Variants in CDH8 observed in about 807,000 individuals in gnomAD.
CDH8 encodes cadherin 8, also known as cadherin-8.
CDH8 carries 17 observed loss-of-function variants against 68.1 expected under a neutral mutation model. That is an observed-to-expected ratio of 0.25 (90% CI 0.17 to 0.37). CDH8 has a LOEUF of 0.37. CDH8 is among the 10% of genes least tolerant of loss of function. The pLI, the probability that CDH8 is intolerant of heterozygous loss-of-function variation, is 1.00. For synonymous variants in CDH8, 372 were observed against 365.1 expected (o/e 1.02, Z -0.21); for missense variants, 763 against 999.3 (o/e 0.76, Z 3.19).
chr16:61,662,732 G>A (rs954172433), intron 10 of CDH8, among the ~76,000 whole-genome samples: 2 of 151,776 alleles, frequency 1.3e-5, no homozygotes, highest in African/African-American at 4.8e-5. Flanking sequence ...GTAATCTAGA[G>A]GTGGTTAGAC....
At position 61,650,245 on chromosome 16, in the gene CDH8, G is replaced by A. The variant is rs1963290636; in HGVS notation, c.*3363C>T. The A allele has an allele frequency of 1.3e-5, 2 of 152,038 alleles. No individual in the cohort carries two copies. Among genetic ancestry groups the A allele is most frequent in the African/African-American group, 4.8e-5 (2 of 41,396 alleles). The allele number at this position is 152,038 out of a possible 1,614,324, so 9.4% of individuals were successfully genotyped here. A position where few individuals can be genotyped will look rare whatever the true frequency, so the allele number is the denominator to read the frequency against. On this transcript the variant is annotated 3_prime_UTR_variant, in exon 12 of 12. Coordinates refer to ENST00000577390, the MANE Select transcript of CDH8 (RefSeq NM_001796.5). ...TTAATATTCATATATGGATGTTTAA[G>A]AGACACTTTGCTAATATGATTTGAT...
rs556064899 is a variant in CDH8 at position 61,733,474 on chromosome 16, T to TA, written c.1415-6260dup. ...ACACTAAAATAAAATAATAAGAAAATAAAAAAATATATTGTGCTTCATCAA... is the reference window on the plus strand; with the variant it reads ...ACACTAAAATAAAATAATAAGAAAATAAAAAAAATATATTGTGCTTCATCAA... On this transcript the variant is annotated intron_variant, in intron 8 of 11. Coordinates refer to ENST00000577390, the MANE Select transcript of CDH8 (RefSeq NM_001796.5). Among the ~76,000 whole-genome samples, 1,120 of 151,692 alleles carry TA rather than the reference T, an allele frequency of 7.4e-3. 17 individuals carry two copies. The highest frequency in any genetic ancestry group is 9.0e-3 in the Non-Finnish European group (611 of 67,786).
intron 2 of CDH8, among the ~76,000 whole-genome samples, chr16:61,984,191 T>C (rs981661932): frequency 9.9e-5 from 15 of 152,132 alleles, no homozygotes; most frequent in Non-Finnish European, 2.2e-4. Flanking sequence ...GTGCTGGGAT[T>C]ACAGGCGTTA....
chr16:61,789,019 TTA>T (rs1961314290), intron 8 of CDH8, among the ~76,000 whole-genome samples: 2 of 151,848 alleles, frequency 1.3e-5, no homozygotes, highest in South Asian at 4.2e-4. Context: ...ATTATTTAAA[TTA>T]TAGTGTACAG....
rs942017887 is a variant in CDH8 at position 61,652,198 on chromosome 16, T to G, written c.*1410A>C. The G allele has an allele frequency of 5.1e-6, 5 of 982,212 alleles. No individual in the cohort carries two copies. In the African/African-American group the frequency reaches 8.7e-5, roughly 17 times the overall value. The allele number at this position is 982,212 out of a possible 1,614,324, so 60.8% of individuals were successfully genotyped here. A position where few individuals can be genotyped will look rare whatever the true frequency, so the allele number is the denominator to read the frequency against. On this transcript the variant is annotated 3_prime_UTR_variant, in exon 12 of 12. Transcript: ENST00000577390. ...GCAGGTTTGCATTACAAATTAAATA[T>G]GCTCACATCTTCTAGTGCTGTTCCT...
chr16:61,877,227 C>G (rs190452741), intron 3 of CDH8, among the ~76,000 whole-genome samples: 1 of 150,966 alleles, frequency 6.6e-6, no homozygotes, highest in Admixed American at 6.6e-5. Flanking sequence ...CATCTTAGAA[C>G]GAGACTATTA....
chr16:62,021,632 G>A, intron 1 of CDH8, 30 bp from the exon 2 acceptor site: 1 of 1,237,508 alleles, frequency 8.1e-7, no homozygotes, highest in Non-Finnish European at 1.0e-6. Flanking sequence ...GAAAGATAAG[G>A]GTCTACTCAA....
intron 2 of CDH8, among the ~76,000 whole-genome samples, chr16:61,924,904 G>A (rs1253501254): frequency 6.6e-6 from 1 of 152,082 alleles, no homozygotes; most frequent in Non-Finnish European, 1.5e-5. Context: ...GTTGCTAATT[G>A]TTCCGTACTT....
intron 1 of CDH8, among the ~76,000 whole-genome samples, chr16:62,023,397 T>C (rs896285329): frequency 3.3e-5 from 5 of 152,116 alleles, no homozygotes; most frequent in Non-Finnish European, 4.4e-5. Context: ...ATGGACAAGA[T>C]AGTCAAGTTT....
chr16:61,863,245 C>T (rs144918625), intron 3 of CDH8, among the ~76,000 whole-genome samples: 200 of 152,178 alleles, frequency 1.3e-3, no homozygotes, highest in African/African-American at 4.7e-3. Flanking sequence ...TTTTAATTAA[C>T]AAAAGGCTTA....
intron 8 of CDH8, among the ~76,000 whole-genome samples, chr16:61,748,162 C>A (rs1960069627): frequency 6.6e-6 from 1 of 151,954 alleles, no homozygotes; most frequent in African/African-American, 2.4e-5. Flanking sequence ...ACATTGAAAT[C>A]CTACTTGCAA....
chr16:61,795,930 T>A (rs867114606), intron 7 of CDH8, among the ~76,000 whole-genome samples: 3 of 151,614 alleles, frequency 2.0e-5, no homozygotes, highest in South Asian at 2.1e-4. Flanking sequence ...TGATTGACCC[T>A]TTTTTAAGAA....
chr16:61,809,734 C>G (rs1961893641), intron 7 of CDH8, among the ~76,000 whole-genome samples: 1 of 152,182 alleles, frequency 6.6e-6, no homozygotes, highest in South Asian at 2.1e-4. Context: ...CCTGACTGCC[C>G]TCTTTTAAAT....
chr16:61,672,276 T>C (rs1189887523), intron 10 of CDH8, among the ~76,000 whole-genome samples: 1 of 152,100 alleles, frequency 6.6e-6, no homozygotes, highest in Non-Finnish European at 1.5e-5. Context: ...CTTTCAAAAT[T>C]CTGATTATTG....
At chr16:61,940,691 G>A (rs1283219315) in intron 2 of CDH8, 1 of 152,388 alleles carries the variant, frequency 6.6e-6, no homozygotes, top group African/African-American at 2.4e-5. Context: ...GTGAGCCACT[G>A]CGCCCAGCCG....
At chr16:61,825,871 T>A (rs559925608) in intron 4 of CDH8, among the ~76,000 whole-genome samples, 1 of 152,066 alleles carries the variant, frequency 6.6e-6, no homozygotes, top group African/African-American at 2.4e-5. Flanking sequence ...AAATTATCAC[T>A]GCTCAAATCT....
At chr16:61,726,844 A>C in intron 9 of CDH8, 1 of 500,358 alleles carries the variant, frequency 2.0e-6, no homozygotes, top group Non-Finnish European at 3.5e-6. Context: ...ATATTTTAAG[A>C]CAGTGATTTG....
chr16:61,719,519 T>A (rs1015370819), intron 9 of CDH8, among the ~76,000 whole-genome samples: 4 of 151,100 alleles, frequency 2.6e-5, no homozygotes, highest in Non-Finnish European at 5.9e-5. Flanking sequence ...TGTATACTAC[T>A]GAAATTATCA....
intron 2 of CDH8, among the ~76,000 whole-genome samples, chr16:61,918,949 C>A (rs1424407855): frequency 6.7e-6 from 1 of 148,304 alleles, no homozygotes; most frequent in Non-Finnish European, 1.5e-5. Flanking sequence ...GTGGTTCTCC[C>A]AGCACGCAGC....
Sources: gnomAD v4.1 joint callset for allele counts (sites outside exome capture counted in the v4.1 genomes callset) on GRCh38, gnomAD v4.1.1 for gene constraint, MANE v1.5 for transcripts, NCBI Gene and HGNC (gene_info 2026-07-23, HGNC 2026-07-21) for gene names.